The following ATP2A2 variants were observed in gnomAD, a reference collection of about 807,000 sequenced individuals.
ATP2A2 encodes sarcoplasmic/endoplasmic reticulum calcium ATPase 2.
In ATP2A2, 14 loss-of-function variants were observed where a neutral mutation model predicts 109.3. That is an observed-to-expected ratio of 0.13 (90% CI 0.08 to 0.20). The LOEUF (loss-of-function observed/expected upper bound fraction) is 0.20. Ranked by LOEUF, ATP2A2 falls within the 10% of genes least tolerant of loss-of-function variation. The pLI is 1.00. For synonymous variants in ATP2A2, 506 were observed against 490.9 expected (o/e 1.03, Z -0.41); for missense variants, 657 against 1,321.6 (o/e 0.50, Z 7.80).
At chr12:110,318,252 A>G (rs1017390775) in intron 5 of ATP2A2, among the ~76,000 whole-genome samples, 3 of 152,212 alleles carry the variant, frequency 2.0e-5, no homozygotes, top group Non-Finnish European at 4.4e-5. Context: ...TTTAACTCTA[A>G]GAACCTGTTT....
chr12:110,347,468 G>GAATT lies in ATP2A2; in HGVS notation c.*999_*1002dup. The GAATT allele has an allele frequency of 1.6e-6, 2 of 1,289,028 alleles. No homozygotes were observed. The highest frequency in any genetic ancestry group is 2.0e-6 in the Non-Finnish European group (2 of 988,678). The allele number at this position is 1,289,028 out of a possible 1,614,324, so 79.8% of individuals were successfully genotyped here. A position where few individuals can be genotyped will look rare whatever the true frequency, so the allele number is the denominator to read the frequency against. On this transcript the variant is annotated 3_prime_UTR_variant, in exon 20 of 20. Transcript: ENST00000539276. Reference sequence around the variant, plus strand: ...TGCTCTGCTGTGTAGGTAGTCATAGGAATTGTATTCTTAATGTACAGGCAC... The same window carrying GAATT: ...TGCTCTGCTGTGTAGGTAGTCATAGGAATTAATTGTATTCTTAATGTACAGGCAC...
intron 5 of ATP2A2, among the ~76,000 whole-genome samples, chr12:110,321,797 A>G (rs781409584): frequency 2.6e-5 from 4 of 152,138 alleles, no homozygotes; most frequent in Admixed American, 1.3e-4. Flanking sequence ...GCTGGGCACT[A>G]TTCTCAAGGT....
chr12:110,344,738 G>A lies in ATP2A2; in HGVS notation c.2522-148G>A. Reference sequence around the variant, plus strand: ...TCTAGTTGCTCTGGCTACCAGGCGTGAGCAGGTGGTGGTAGCACCACAGGC... The same window carrying A: ...TCTAGTTGCTCTGGCTACCAGGCGTAAGCAGGTGGTGGTAGCACCACAGGC... On this transcript the variant is annotated intron_variant, in intron 16 of 19. Transcript: ENST00000539276. 4 of 758,370 alleles carry A rather than the reference G, an allele frequency of 5.3e-6. No individual in the cohort carries two copies. In the Middle Eastern group the frequency reaches 1.0e-3, roughly 197 times the overall value. The allele number at this position is 758,370 out of a possible 1,614,324, so 47.0% of individuals were successfully genotyped here.
chr12:110,309,777 G>A (rs905639341), intron 5 of ATP2A2, among the ~76,000 whole-genome samples: 3 of 151,944 alleles, frequency 2.0e-5, no homozygotes, highest in Non-Finnish European at 4.4e-5. Context: ...GTGGTGGTGC[G>A]TACCTGTAGT....
Position 110,344,959 on chromosome 12 carries a change from C to G in ATP2A2, c.2595C>G (p.Ser865=). The change falls in exon 17 of 20, where the codon TCC becomes TCG. Residue 865 remains serine (S), a synonymous_variant. Coordinates refer to ENST00000539276, the MANE Select transcript of ATP2A2 (RefSeq NM_170665.4). ...CTGCTGACGGTGGTCCAAGAGTGTC[C>G]TTCTACCAGCTGGTACTCAGTCACC... The part of the protein sequence containing the change: ...FIAADGGPRV[S]FYQLSHFLQC... 3 of 1,614,034 alleles carry G rather than the reference C, an allele frequency of 1.9e-6. No individual in the cohort carries two copies. The highest frequency in any genetic ancestry group is 2.5e-6 in the Non-Finnish European group (3 of 1,179,994).
rs1872083379 is a variant in ATP2A2, at chr12:110,281,542, G to A, written c.-248G>A. The A allele has an allele frequency of 4.0e-6, 1 of 253,006 alleles. No individual in the cohort carries two copies. The highest frequency in any genetic ancestry group is 8.0e-5 in the East Asian group (1 of 12,478). The allele number at this position is 253,006 out of a possible 1,614,324, so 15.7% of individuals were successfully genotyped here. Reference sequence around the variant, plus strand: ...AGGGAGGCCCTCCCTTCTGGCGAGGGGAGGGAGGGTGGGTCAGGAGCCCCC... The same window carrying A: ...AGGGAGGCCCTCCCTTCTGGCGAGGAGAGGGAGGGTGGGTCAGGAGCCCCC... On this transcript the variant is annotated 5_prime_UTR_variant, in exon 1 of 20. Coordinates refer to ENST00000539276, the MANE Select transcript of ATP2A2 (RefSeq NM_170665.4).
intron 5 of ATP2A2, among the ~76,000 whole-genome samples, chr12:110,321,714 A>G (rs1877265890): frequency 6.6e-6 from 1 of 152,112 alleles, no homozygotes; most frequent in African/African-American, 2.4e-5. Context: ...GGATTAACGG[A>G]CAGCTGTTTT....
rs145387321 is a variant in ATP2A2, at chr12:110,308,427, G to A, written c.463+11690G>A. ...ATTTAGGTTGTCAGTATACTCTGGT[G>A]ACCTTTCATGGTGTTTGTAAACTTA... On this transcript the variant is annotated intron_variant, in intron 5 of 19. Transcript: ENST00000539276. Among the ~76,000 whole-genome samples, 111 of 152,202 alleles carry A rather than the reference G, an allele frequency of 7.3e-4. 2 individuals are homozygous for A. The South Asian group carries it at 9.1e-3, about 13-fold the overall frequency.
intron 5 of ATP2A2, among the ~76,000 whole-genome samples, chr12:110,300,861 C>T (rs983880826): frequency 2.0e-5 from 3 of 151,790 alleles, no homozygotes; most frequent in Admixed American, 6.6e-5. Flanking sequence ...TTCTAGTTTA[C>T]GTGACTGGGT....
intron 5 of ATP2A2, among the ~76,000 whole-genome samples, chr12:110,314,070 C>T (rs1434221749): frequency 6.6e-6 from 1 of 151,678 alleles, no homozygotes; most frequent in Non-Finnish European, 1.5e-5. Flanking sequence ...TGGCTCATGC[C>T]TGTAATCCCA....
Position 110,339,072 on chromosome 12 carries a change from C to CCCTTTT in ATP2A2, c.1420-208_1420-203dup, listed in dbSNP as rs1566237545. Reference sequence around the variant, plus strand: ...TGTATGCAAATTTTCTATCCCCCTTCCCTTTTTCTCTATAGCACTTGTGTT... The same window carrying CCCTTTT: ...TGTATGCAAATTTTCTATCCCCCTTCCCTTTTCCTTTTTCTCTATAGCACTTGTGTT... On this transcript the variant is annotated intron_variant, in intron 11 of 19. Coordinates refer to ENST00000539276, the MANE Select transcript of ATP2A2 (RefSeq NM_170665.4). The surrounding 1 kb of genome is among the most constrained non-coding windows in gnomAD (Gnocchi z 4.4). 6.6e-6 allele frequency among the ~76,000 whole-genome samples: 1 copy of CCCTTTT among 152,196 alleles called. No individual in the cohort carries two copies. The highest frequency in any genetic ancestry group is 1.5e-5 in the Non-Finnish European group (1 of 68,032).
chr12:110,350,196 C>A lies in ATP2A2; in HGVS notation c.*3726C>A, dbSNP rs1052919002. On this transcript the variant is annotated 3_prime_UTR_variant, in exon 20 of 20. Coordinates refer to ENST00000539276, the MANE Select transcript of ATP2A2 (RefSeq NM_170665.4). ...AAAGATCAAGCTGAATGTTCCTTTT[C>A]ATCTGTCGCTGTTGATCTTCATCTA... The A allele has an allele frequency of 1.2e-6, 2 of 1,611,810 alleles. No homozygotes were observed. The highest frequency in any genetic ancestry group is 1.7e-6 in the Non-Finnish European group (2 of 1,179,042).
chr12:110,350,121 G>T lies in ATP2A2; in HGVS notation c.*3651G>T. 1 of 1,506,458 alleles carries T rather than the reference G, an allele frequency of 6.6e-7. No individual in the cohort carries two copies. Among genetic ancestry groups the T allele is most frequent in the Non-Finnish European group, 8.8e-7 (1 of 1,130,044 alleles). 93.3% of individuals were successfully genotyped at this position (1,506,458 alleles called of 1,614,324 possible). ...GTGCTTCTAGATGCTACCCTGTGTGGGCGGCACCTCAGGGACAGTAAATCA... is the reference window on the plus strand; with the variant it reads ...GTGCTTCTAGATGCTACCCTGTGTGTGCGGCACCTCAGGGACAGTAAATCA... On this transcript the variant is annotated 3_prime_UTR_variant, in exon 20 of 20. Coordinates refer to ENST00000539276, the MANE Select transcript of ATP2A2 (RefSeq NM_170665.4).
At chr12:110,326,363 G>GT (rs766162395) in intron 6 of ATP2A2, 27 bp from the exon 7 acceptor site, 43 of 1,602,234 alleles carry the variant, frequency 2.7e-5, no homozygotes, top group Non-Finnish European at 3.4e-5. Context: ...GCAGAGATCT[G>GT]TTTTTTCTGT....
In ATP2A2 at chr12:110,345,986, C is replaced by T. The variant is rs767694337; in HGVS notation, c.2742-15C>T. ...GCCTTGGGGGTGCGTTTCCCCACCT[C>T]TCCTTGCTCTGCAGCTTGTCCGAAA... On this transcript the variant is annotated splice_polypyrimidine_tract_variant and intron_variant, in intron 18 of 19. Coordinates refer to ENST00000539276, the MANE Select transcript of ATP2A2 (RefSeq NM_170665.4). 4 of 1,613,948 alleles carry T rather than the reference C, an allele frequency of 2.5e-6. No individual in the cohort carries two copies. The highest frequency in any genetic ancestry group is 3.4e-6 in the Non-Finnish European group (4 of 1,179,808).
chr12:110,317,330 C>T (rs1876772112), intron 5 of ATP2A2, among the ~76,000 whole-genome samples: 1 of 152,022 alleles, frequency 6.6e-6, no homozygotes, highest in Non-Finnish European at 1.5e-5. Flanking sequence ...TGGTGTTTGC[C>T]ACAATAAATT....
chr12:110,346,730 A>G lies in ATP2A2; in HGVS notation c.*260A>G. On this transcript the variant is annotated 3_prime_UTR_variant, in exon 20 of 20. Transcript: ENST00000539276. ...AATATTTTTTTGTAGATGAAAAAGC[A>G]TGTACAGTGTTCTGTTTAATACTCA... 7.4e-7 allele frequency: 1 copy of G among 1,343,012 alleles called. No individual in the cohort carries two copies. 83.2% of individuals were successfully genotyped at this position (1,343,012 alleles called of 1,614,324 possible).
chr12:110,284,340 AAAT>A (rs1260050681), intron 3 of ATP2A2, among the ~76,000 whole-genome samples: 3 of 152,206 alleles, frequency 2.0e-5, no homozygotes, highest in African/African-American at 7.2e-5. Context: ...GTTGGCAGTT[AAAT>A]AATGGGGTCC....
At chr12:110,335,276 C>T (rs573352371) in intron 11 of ATP2A2, among the ~76,000 whole-genome samples, 5 of 152,262 alleles carry the variant, frequency 3.3e-5, no homozygotes, top group Middle Eastern at 3.4e-3. Flanking sequence ...CACTTTGCAA[C>T]GGCTGCTGGT....
Sources: allele counts gnomAD v4.1 joint callset (sites outside exome capture counted in the v4.1 genomes callset), GRCh38; gene constraint gnomAD v4.1.1; non-coding constraint Gnocchi (gnomAD v3.1); transcripts MANE v1.5; gene names NCBI Gene and HGNC (gene_info 2026-07-23, HGNC 2026-07-21).